WDR47: variants seen among roughly 807,000 people sequenced by gnomAD.
WDR47 encodes WD repeat domain 47.
In WDR47, 32 loss-of-function variants were observed where a neutral mutation model predicts 97.2. That is an observed-to-expected ratio of 0.33 (90% CI 0.25 to 0.44). The LOEUF is 0.44. WDR47 is among the 20% of genes least tolerant of loss of function. WDR47 has a pLI of 1.00. For missense variants in WDR47, 782 were observed against 1,102.3 expected, an observed-to-expected ratio of 0.71 and a Z score of 4.11; for synonymous variants, 375 against 373.5, an observed-to-expected ratio of 1.00 and a Z score of -0.05.
chr1:108,992,665 G>T lies in WDR47; in HGVS notation c.1692-1336C>A, dbSNP rs994371635. ...ACAAAGCACCTAAGATGCGCCGCCG[G>T]ACCTACAGAGCTCATGGTCGGATTA... On this transcript the variant is annotated intron_variant, in intron 8 of 14. Transcript: ENST00000369962. The T allele has an allele frequency of 8.7e-6, 13 of 1,493,884 alleles. 1 individual carries two copies. The highest frequency in any genetic ancestry group is 4.7e-4 in the Middle Eastern group (2 of 4,244). 92.5% of individuals were successfully genotyped at this position (1,493,884 alleles called of 1,614,324 possible).
chr1:109,004,861 G>A (rs12135936), intron 5 of WDR47, 146 bp from the exon 6 acceptor site: 27,906 of 1,012,018 alleles, frequency 0.028, 461 homozygotes, highest in Non-Finnish European at 0.032. Context: ...CGCAATCTCC[G>A]CTCACTGCAA....
chr1:109,021,050 T>C (rs1190045331), intron 2 of WDR47, among the ~76,000 whole-genome samples: 1 of 152,172 alleles, frequency 6.6e-6, no homozygotes, highest in Admixed American at 6.6e-5. Flanking sequence ...CTGTACTTCT[T>C]GTCAAGGATA....
chr1:109,028,193 TTGTC>T (rs918053919), intron 1 of WDR47, among the ~76,000 whole-genome samples: 1 of 152,076 alleles, frequency 6.6e-6, no homozygotes, highest in African/African-American at 2.4e-5. Flanking sequence ...TTTTGTTTGT[TTGTC>T]TGTTTTAGAC....
chr1:109,002,222 A>C lies in WDR47; in HGVS notation c.1433+2T>G. On this transcript the variant is annotated splice_donor_variant, in intron 7 of 14. Transcript: ENST00000369962. LOFTEE classifies it high-confidence loss of function. The stretch of plus-strand genomic sequence containing the variant: ...ATTTTAAAAAGTGATTAGAAGACCA[A>C]CCTATTAAGGAACTGTTCAGTAAGA... 6.4e-7 allele frequency: 1 copy of C among 1,563,142 alleles called. No homozygotes were observed. Among genetic ancestry groups the C allele is most frequent in the Non-Finnish European group, 8.6e-7 (1 of 1,161,028 alleles).
Position 108,991,297 on chromosome 1 carries a change from A to C in WDR47, c.1724T>G (p.Leu575Arg). 6.2e-7 allele frequency: 1 copy of C among 1,612,810 alleles called. No homozygotes were observed. The highest frequency in any genetic ancestry group is 8.5e-7 in the Non-Finnish European group (1 of 1,179,084). The stretch of plus-strand genomic sequence containing the variant: ...TGAAAGACTCCCTGGAGAATCTCCA[A>C]GAGGTGGCTTAATGACCGAATGTTC... ...SSEHSVIKPP[L>R]GDSPGSLSRS... is the part of the protein sequence containing the mutation. The change falls in exon 9 of 15, where the codon CTT (leucine) becomes CGT (arginine). Residue 575 changes from leucine to arginine, a missense_variant. By Grantham distance (102) the Leu-to-Arg change is moderately radical (BLOSUM62 -2). This residue lies in a region of WDR47 where 126 missense variants were observed against 121.3 expected (regional missense o/e 1.04). Transcript: ENST00000369962.
At chr1:109,013,946 A>T in intron 3 of WDR47, 21 bp from the exon 4 acceptor site, 1 of 1,571,084 alleles carries the variant, frequency 6.4e-7, no homozygotes, top group African/African-American at 1.4e-5. Context: ...AAAATGAAGC[A>T]TTAATTTTTC....
intron 1 of WDR47, among the ~76,000 whole-genome samples, chr1:109,023,871 T>G (rs1662023020): frequency 6.6e-6 from 1 of 152,192 alleles, no homozygotes; most frequent in Non-Finnish European, 1.5e-5. Context: ...AATGAGGGTT[T>G]ATTATATAAT....
At chr1:109,025,431 A>G (rs1167994735) in intron 1 of WDR47, among the ~76,000 whole-genome samples, 1 of 3,006 alleles carries the variant, frequency 3.3e-4, no homozygotes, top group African/African-American at 1.1e-3. Flanking sequence ...ACTCTGCCTC[A>G]AAAAAAAAAA....
intron 1 of WDR47, among the ~76,000 whole-genome samples, chr1:109,033,918 CA>C (rs1302579310): frequency 6.6e-6 from 1 of 151,862 alleles, no homozygotes; most frequent in African/African-American, 2.4e-5. Flanking sequence ...GACTCTGTGT[CA>C]AAAAAATAAA....
chr1:109,003,325 GTTGT>G (rs1196438418), intron 6 of WDR47, among the ~76,000 whole-genome samples: 1 of 151,794 alleles, frequency 6.6e-6, no homozygotes, highest in Non-Finnish European at 1.5e-5. Flanking sequence ...TTAAAGCTCT[GTTGT>G]TTGGTGCATA....
At position 108,974,532 on chromosome 1, in the gene WDR47, T is replaced by C. The variant is rs1157499783; in HGVS notation, c.2617+4A>G. ...CTAAAAACAGAGAAGTCGATCTCAA[T>C]CACCTTGTAGGTCTGTCACCTTTAT... On this transcript the variant is annotated splice_donor_region_variant and intron_variant, in intron 14 of 14. Coordinates refer to ENST00000369962, the MANE Select transcript of WDR47 (RefSeq NM_001142551.2). 3 of 1,612,650 alleles carry C rather than the reference T, an allele frequency of 1.9e-6. No individual in the cohort carries two copies. The African/African-American group carries it at 4.0e-5, about 22-fold the overall frequency.
chr1:109,028,562 C>T (rs1025080179), intron 1 of WDR47, among the ~76,000 whole-genome samples: 3 of 150,154 alleles, frequency 2.0e-5, no homozygotes, highest in African/African-American at 7.4e-5. Flanking sequence ...AAGGATGGAG[C>T]TGTGACTGAA....
chr1:109,001,905 C>G (rs1571193802), intron 7 of WDR47, among the ~76,000 whole-genome samples: 2 of 113,002 alleles, frequency 1.8e-5, no homozygotes, highest in Admixed American at 8.4e-5. Flanking sequence ...AAAAAAAAAG[C>G]AGCAGATAAA....
chr1:108,992,200 A>T, intron 8 of WDR47: 1 of 742,220 alleles, frequency 1.3e-6, no homozygotes, highest in South Asian at 1.5e-5. Context: ...AAGAAATTAG[A>T]TAATAAGAAA....
intron 2 of WDR47, among the ~76,000 whole-genome samples, chr1:109,021,613 G>A (rs1170560084): frequency 2.6e-5 from 4 of 151,668 alleles, no homozygotes; most frequent in Non-Finnish European, 4.4e-5. Flanking sequence ...TTAAAATTAG[G>A]GGAGCCATTA....
chr1:108,997,759 CA>C (rs35471904), intron 7 of WDR47, among the ~76,000 whole-genome samples: 10 of 101,950 alleles, frequency 9.8e-5, no homozygotes, highest in African/African-American at 1.6e-4. Context: ...GACTCCATCT[CA>C]AAAAAAAAAA....
intron 1 of WDR47, among the ~76,000 whole-genome samples, chr1:109,032,097 G>C (rs1662641408): frequency 7.2e-6 from 1 of 138,796 alleles, no homozygotes; most frequent in Admixed American, 7.8e-5. Context: ...ACTGCACCTG[G>C]CCTCAATCTT....
intron 13 of WDR47, among the ~76,000 whole-genome samples, chr1:108,978,728 A>G (rs955870714): frequency 3.9e-5 from 6 of 152,234 alleles, no homozygotes; most frequent in African/African-American, 1.4e-4. Flanking sequence ...AGAATAGCAG[A>G]AAGCCCAAAA....
chr1:108,991,150 C>T (rs1571166674), intron 9 of WDR47, 104 bp downstream of exon 9: 1 of 1,094,760 alleles, frequency 9.1e-7, no homozygotes, highest in Non-Finnish European at 1.4e-6. Flanking sequence ...GTACTGTACA[C>T]CACCACGTCT....
Sources: allele counts gnomAD v4.1 joint callset (sites outside exome capture counted in the v4.1 genomes callset), GRCh38; gene constraint gnomAD v4.1.1; regional missense constraint gnomAD v4.1.1; transcripts MANE v1.5; gene names NCBI Gene and HGNC (gene_info 2026-07-23, HGNC 2026-07-21).